Variants in DUSP19 observed in about 807,000 individuals in gnomAD.
DUSP19 encodes the protein dual specificity phosphatase 19, also known as dual specificity protein phosphatase 19.
Under a neutral mutation model 16.6 loss-of-function variants are expected in DUSP19, and 14 were observed. The ratio of observed to expected loss-of-function variants is 0.84; its 90% confidence interval spans 0.56 to 1.32. The LOEUF (loss-of-function observed/expected upper bound fraction) is 1.32, where lower values mean the gene tolerates loss of function less well. DUSP19 is among the 40% of genes most tolerant of loss of function. The pLI is 0.00. For synonymous variants in DUSP19, 81 were observed against 90.5 expected (o/e 0.90, Z 0.59); for missense variants, 258 against 255.9 (o/e 1.01, Z -0.06).
intron 1 of DUSP19, among the ~76,000 whole-genome samples, chr2:183,080,188 G>A (rs1297500161): frequency 2.0e-5 from 3 of 152,058 alleles, no homozygotes; most frequent in Admixed American, 2.0e-4. Flanking sequence ...ATCCTGCTCC[G>A]CCTCTAATTT....
chr2:183,086,713 C>T (rs1382178664), intron 2 of DUSP19, among the ~76,000 whole-genome samples: 2 of 149,798 alleles, frequency 1.3e-5, no homozygotes, highest in Non-Finnish European at 3.0e-5. Context: ...GTCCCAGCTA[C>T]TTGGGAGGCT....
rs946548557 is a variant in DUSP19, at chr2:183,079,305, T to A, written c.226+146T>A. ...TCCTTTTTTGGATATGGAACTTCCA[T>A]TAGCCAGCTAGAGCCGTTTCTGCCT... On this transcript the variant is annotated intron_variant, in intron 1 of 3. Coordinates refer to ENST00000354221, the MANE Select transcript of DUSP19 (RefSeq NM_080876.4). 7.5e-6 allele frequency: 6 copies of A among 801,638 alleles called. No homozygotes were observed. In the African/African-American group the frequency reaches 1.0e-4, roughly 14 times the overall value. 49.7% of individuals were successfully genotyped at this position (801,638 alleles called of 1,614,324 possible).
Position 183,079,140 on chromosome 2 carries a change from TA to T in DUSP19, c.209del (p.Lys70SerfsTer6). ...LSSDLQVGVI[K>X]PWLLLGSQDA... ...GCTCGGACCTGCAAGTTGGCGTTAT[TA>T]AGCCATGGTTGCTCCTAGGTGAGTA... On this transcript the variant is annotated frameshift_variant, in exon 1 of 4. Coordinates refer to ENST00000354221, the MANE Select transcript of DUSP19 (RefSeq NM_080876.4). LOFTEE classifies it high-confidence loss of function. The T allele has an allele frequency of 6.2e-7, 1 of 1,613,886 alleles. No homozygotes were observed. Among genetic ancestry groups the T allele is most frequent in the Non-Finnish European group, 8.5e-7 (1 of 1,179,870 alleles).
intron 1 of DUSP19, among the ~76,000 whole-genome samples, chr2:183,081,594 G>A (rs1699593077): frequency 6.6e-6 from 1 of 152,006 alleles, no homozygotes; most frequent in African/African-American, 2.4e-5. Context: ...CTCTGGAGTT[G>A]GTTAGGGCTT....
At chr2:183,082,836 T>TCCTCCCTCCCTC (rs767449071) in intron 1 of DUSP19, among the ~76,000 whole-genome samples, 1 of 144,344 alleles carries the variant, frequency 6.9e-6, no homozygotes, top group African/African-American at 2.6e-5. Context: ...GTTCCTTCCT[T>TCCTCCCTCCCTC]CCTCCCTCCC....
intron 3 of DUSP19, among the ~76,000 whole-genome samples, chr2:183,093,209 C>G (rs1438270836): frequency 3.3e-5 from 5 of 152,180 alleles, no homozygotes; most frequent in African/African-American, 1.2e-4. Flanking sequence ...TAATTACTAT[C>G]TGCCTATAGG....
Position 183,095,559 on chromosome 2 carries a change from T to A in DUSP19, c.555T>A (p.Pro185=). ...SAFSLVKNAR[P]SICPNSGFME... ...TTTCTTTGGTGAAAAATGCAAGACC[T>A]TCCATATGTCCAAATTCTGGCTTCA... The change falls in exon 4 of 4, where the codon CCT becomes CCA. Residue 185 remains proline (P), a synonymous_variant. Coordinates refer to ENST00000354221, the MANE Select transcript of DUSP19 (RefSeq NM_080876.4). 1 of 1,613,990 alleles carries A rather than the reference T, an allele frequency of 6.2e-7. No individual in the cohort carries two copies. Among genetic ancestry groups the A allele is most frequent in the Non-Finnish European group, 8.5e-7 (1 of 1,179,948 alleles).
intron 2 of DUSP19, among the ~76,000 whole-genome samples, chr2:183,085,310 A>G (rs1421897855): frequency 6.6e-6 from 1 of 152,224 alleles, no homozygotes; most frequent in Non-Finnish European, 1.5e-5. Context: ...GATCAAACAA[A>G]GAAGAGTCCG....
chr2:183,093,667 T>C (rs1699762307), intron 3 of DUSP19, among the ~76,000 whole-genome samples: 1 of 152,088 alleles, frequency 6.6e-6, no homozygotes, highest in Non-Finnish European at 1.5e-5. Flanking sequence ...TTATATAAAG[T>C]AGAAAGAAGA....
Position 183,099,984 on chromosome 2 carries a change from C to A in DUSP19, c.*4326C>A. ...TGCACTTCTAGTTGACAGAGTGAGA[C>A]TCTGACTCAAAAAAAAAAAAAAAAT... On this transcript the variant is annotated 3_prime_UTR_variant, in exon 4 of 4. Transcript: ENST00000354221. 1 of 141,502 alleles carries A rather than the reference C, an allele frequency of 7.1e-6. No homozygotes were observed. Among genetic ancestry groups the A allele is most frequent in the African/African-American group, 2.7e-5 (1 of 37,134 alleles). The allele number at this position is 141,502 out of a possible 1,614,324, so 8.8% of individuals were successfully genotyped here.
chr2:183,093,878 T>C (rs1179756545), intron 3 of DUSP19, among the ~76,000 whole-genome samples: 2 of 152,202 alleles, frequency 1.3e-5, no homozygotes, highest in Non-Finnish European at 1.5e-5. Context: ...TTGGAGTATC[T>C]AATTAATTTG....
chr2:183,079,623 G>GC (rs1699567004), intron 1 of DUSP19, among the ~76,000 whole-genome samples: 1 of 152,206 alleles, frequency 6.6e-6, no homozygotes, highest in Admixed American at 6.5e-5. Flanking sequence ...CGGAATACAT[G>GC]CCTCCTGTGG....
At chr2:183,083,025 C>T (rs1310334714) in intron 1 of DUSP19, among the ~76,000 whole-genome samples, 1 of 152,062 alleles carries the variant, frequency 6.6e-6, no homozygotes, top group Non-Finnish European at 1.5e-5. Flanking sequence ...CCTTAGCCTT[C>T]TGAATACCTG....
chr2:183,090,896 T>G (rs1191941715), intron 3 of DUSP19, among the ~76,000 whole-genome samples: 2 of 152,204 alleles, frequency 1.3e-5, no homozygotes, highest in African/African-American at 4.8e-5. Flanking sequence ...GGCACATTCT[T>G]GGATCCCTGC....
intron 3 of DUSP19, among the ~76,000 whole-genome samples, chr2:183,092,699 G>GTTTTTT (rs781697293): frequency 3.4e-5 from 4 of 119,176 alleles, no homozygotes; most frequent in African/African-American, 6.5e-5. Context: ...TTCTGCCCAA[G>GTTTTTT]TTTTTTTTTT....
rs1699849640 is a variant in DUSP19, at chr2:183,099,705, A to G, written c.*4047A>G. ...TTATTTGCTGTCAAATTCTGAATTAAAAAATCTGTTGGTGGCCAGGCGCAG... is the reference window on the plus strand; with the variant it reads ...TTATTTGCTGTCAAATTCTGAATTAGAAAATCTGTTGGTGGCCAGGCGCAG... On this transcript the variant is annotated 3_prime_UTR_variant, in exon 4 of 4. Transcript: ENST00000354221. 6.6e-6 allele frequency: 1 copy of G among 152,182 alleles called. No homozygotes were observed. Among genetic ancestry groups the G allele is most frequent in the Admixed American group, 6.5e-5 (1 of 15,270 alleles). The allele number at this position is 152,182 out of a possible 1,614,324, so 9.4% of individuals were successfully genotyped here. A position where few individuals can be genotyped will look rare whatever the true frequency, so the allele number is the denominator to read the frequency against.
intron 3 of DUSP19, among the ~76,000 whole-genome samples, chr2:183,095,063 A>C (rs970645858): frequency 6.6e-6 from 1 of 151,848 alleles, no homozygotes; most frequent in Non-Finnish European, 1.5e-5. Context: ...ACATTTGACT[A>C]CTAAGTTATT....
At position 183,096,402 on chromosome 2, in the gene DUSP19, A is replaced by G. The variant is rs1476646691; in HGVS notation, c.*744A>G. 1 of 151,944 alleles carries G rather than the reference A, an allele frequency of 6.6e-6. No individual in the cohort carries two copies. The highest frequency in any genetic ancestry group is 2.4e-5 in the African/African-American group (1 of 41,354). The allele number at this position is 151,944 out of a possible 1,614,324, so 9.4% of individuals were successfully genotyped here. The stretch of plus-strand genomic sequence containing the variant: ...TAGGTGCCTGCCACCATGCCCAGCT[A>G]ATTTTTGTGTTTTTAGTAGAGATGG... On this transcript the variant is annotated 3_prime_UTR_variant, in exon 4 of 4. Transcript: ENST00000354221.
At position 183,095,485 on chromosome 2, in the gene DUSP19, G is replaced by A. The variant is rs747272881; in HGVS notation, c.481G>A (p.Val161Ile). ...NAGVSRAAAI[V>I]IGFLMNSEQT... ...AGGCGTTTCCAGGGCTGCTGCAATT[G>A]TAATAGGTTTCCTGATGAATTCTGA... The change falls in exon 4 of 4, where the codon GTA becomes ATA. Residue 161 changes from valine to isoleucine, a missense_variant. Physicochemically the swap from Val to Ile is conservative, Grantham distance 29 (BLOSUM62 3). Transcript: ENST00000354221. 1.0e-5 allele frequency: 16 copies of A among 1,605,002 alleles called. No homozygotes were observed. Among genetic ancestry groups the A allele is most frequent in the East Asian group, 4.5e-5 (2 of 44,124 alleles).
Sources: gnomAD v4.1 joint callset for allele counts (sites outside exome capture counted in the v4.1 genomes callset) on GRCh38, gnomAD v4.1.1 for gene constraint, MANE v1.5 for transcripts, NCBI Gene and HGNC (gene_info 2026-07-23, HGNC 2026-07-21) for gene names.